Variants in BCL2L13 observed in about 807,000 individuals in gnomAD.
The protein encoded by BCL2L13 is BCL2 like 13, also known as bcl-2-like protein 13.
BCL2L13 carries 13 observed loss-of-function variants against 25.8 expected under a neutral mutation model. The observed-to-expected ratio is 0.50, with a 90% confidence interval of 0.33 to 0.80. The LOEUF (loss-of-function observed/expected upper bound fraction) is 0.80. Among genes scored for constraint, BCL2L13 ranks in the 30% least tolerant of loss-of-function variants. BCL2L13 has a pLI of 0.02. For missense variants in BCL2L13, 504 were observed against 574.9 expected (o/e 0.88, Z 1.26); for synonymous variants, 244 against 230.3 (o/e 1.06, Z -0.54).
At chr22:17,670,376 T>TA (rs1198589284) in intron 2 of BCL2L13, among the ~76,000 whole-genome samples, 1 of 150,314 alleles carries the variant, frequency 6.7e-6, no homozygotes, top group African/African-American at 2.4e-5. Flanking sequence ...AAATCAGCTT[T>TA]TTTTTTTTTT....
intron 2 of BCL2L13, among the ~76,000 whole-genome samples, chr22:17,659,335 GCCT>G (rs1177210153): frequency 6.8e-6 from 1 of 146,132 alleles, no homozygotes; most frequent in Non-Finnish European, 1.6e-5. Context: ...TTGCACTTCA[GCCT>G]GGGTGACAGA....
chr22:17,725,611 A>G (rs2061274078), intron 6 of BCL2L13, among the ~76,000 whole-genome samples: 1 of 152,178 alleles, frequency 6.6e-6, no homozygotes, highest in South Asian at 2.1e-4. Flanking sequence ...ATGACATAGC[A>G]TTATTTGTAT....
intron 1 of BCL2L13, among the ~76,000 whole-genome samples, chr22:17,640,672 C>A (rs1446952820): frequency 6.7e-6 from 1 of 148,506 alleles, no homozygotes; most frequent in Non-Finnish European, 1.5e-5. Context: ...GCCTGGGCAA[C>A]ATAAGGAGAC....
intron 6 of BCL2L13, among the ~76,000 whole-genome samples, chr22:17,722,378 G>GCGTGTGT (rs1491171137): frequency 0.018 from 2,246 of 122,084 alleles, 60 homozygotes; most frequent in African/African-American, 0.031. Flanking sequence ...AGACTACAGG[G>GCGTGTGT]GTGTGTGTGT....
At chr22:17,640,822 T>C (rs1200622533) in intron 1 of BCL2L13, among the ~76,000 whole-genome samples, 2 of 151,926 alleles carry the variant, frequency 1.3e-5, no homozygotes, top group Non-Finnish European at 2.9e-5. Context: ...CCACTGTACT[T>C]CAGTCTGGAT....
chr22:17,702,555 C>G, intron 6 of BCL2L13, 169 bp downstream of exon 6: 2 of 571,210 alleles, frequency 3.5e-6, no homozygotes, highest in Middle Eastern at 4.8e-4. Context: ...GTGATCCTGC[C>G]TCAGGTCCTG....
At chr22:17,628,895 G>A, upstream of BCL2L13, 1 of 545,010 alleles carries the variant, frequency 1.8e-6, no homozygotes, top group Non-Finnish European at 3.3e-6. Context: ...TCGCTGACTC[G>A]TGACCTGACC....
chr22:17,702,493 C>CT (rs1311285056), intron 6 of BCL2L13, 107 bp downstream of exon 6: 4 of 1,086,376 alleles, frequency 3.7e-6, no homozygotes, highest in Non-Finnish European at 5.0e-6. Flanking sequence ...AGTGCAGTGT[C>CT]TAATTGCTGG....
At chr22:17,701,626 G>A (rs2060437447) in intron 5 of BCL2L13, among the ~76,000 whole-genome samples, 1 of 152,074 alleles carries the variant, frequency 6.6e-6, no homozygotes, top group Admixed American at 6.6e-5. Flanking sequence ...GTTTTCTGCT[G>A]TTATAAATAA....
At chr22:17,678,111 C>G (rs2059627504) in intron 2 of BCL2L13, among the ~76,000 whole-genome samples, 1 of 152,092 alleles carries the variant, frequency 6.6e-6, no homozygotes, top group Non-Finnish European at 1.5e-5. Flanking sequence ...CAGCCTCGAC[C>G]TCCCAGGCTC....
At chr22:17,720,849 A>G (rs2061101531) in intron 6 of BCL2L13, among the ~76,000 whole-genome samples, 1 of 151,848 alleles carries the variant, frequency 6.6e-6, no homozygotes, top group African/African-American at 2.4e-5. Flanking sequence ...TCTCAATACT[A>G]AAAGAATAAA....
chr22:17,720,953 T>A (rs1328973673), intron 6 of BCL2L13, among the ~76,000 whole-genome samples: 1 of 151,594 alleles, frequency 6.6e-6, no homozygotes, highest in Non-Finnish European at 1.5e-5. Context: ...GATCACGAGG[T>A]CAGGAGATCG....
Position 17,687,979 on chromosome 22 carries a change from G to A in BCL2L13, c.230-1007G>A, listed in dbSNP as rs1024175374. Among the ~76,000 whole-genome samples the A allele has an allele frequency of 9.3e-5, 14 of 151,288 alleles. No individual in the cohort carries two copies. In the East Asian group the frequency reaches 2.2e-3, roughly 23 times the overall value. ...GTTACAGGCATGCACCATCACGCCC[G>A]GCTAATTTTTGTATTTTTAGTAGAG... is the stretch of plus-strand genomic sequence containing the variant. On this transcript the variant is annotated intron_variant, in intron 3 of 6. Transcript: ENST00000317582.
chr22:17,654,355 C>T (rs1002290639), intron 1 of BCL2L13, among the ~76,000 whole-genome samples: 2 of 152,004 alleles, frequency 1.3e-5, no homozygotes, highest in African/African-American at 2.4e-5. Context: ...CCTCTGCCTC[C>T]GCCTCCCAAA....
intron 3 of BCL2L13, 35 bp downstream of exon 3, chr22:17,683,356 G>C: frequency 8.0e-7 from 1 of 1,244,634 alleles, no homozygotes; most frequent in Non-Finnish European, 1.1e-6. Context: ...TTAATAAGCA[G>C]ATTGTGTTTG....
chr22:17,682,978 A>C (rs1411490372), intron 2 of BCL2L13, among the ~76,000 whole-genome samples: 1 of 152,026 alleles, frequency 6.6e-6, no homozygotes, highest in Non-Finnish European at 1.5e-5. Context: ...TAAAAATACA[A>C]AAAAATTAGC....
chr22:17,630,370 C>T (rs566113172), intron 1 of BCL2L13, among the ~76,000 whole-genome samples: 24 of 151,820 alleles, frequency 1.6e-4, no homozygotes, highest in Non-Finnish European at 2.8e-4. Context: ...ACCTCTGCCT[C>T]CCGGGATCAA....
intron 4 of BCL2L13, among the ~76,000 whole-genome samples, chr22:17,694,367 A>G (rs548845013): frequency 6.6e-6 from 1 of 152,076 alleles, no homozygotes; most frequent in South Asian, 2.1e-4. Flanking sequence ...GTATCATAAC[A>G]CTCCAAGTTA....
chr22:17,698,384 G>C (rs2060329639), intron 5 of BCL2L13, among the ~76,000 whole-genome samples: 1 of 151,778 alleles, frequency 6.6e-6, no homozygotes, highest in African/African-American at 2.4e-5. Flanking sequence ...CAAAGTGATG[G>C]GATTACAGGC....
Sources: gnomAD v4.1 joint callset for allele counts (sites outside exome capture counted in the v4.1 genomes callset) on GRCh38, gnomAD v4.1.1 for gene constraint, MANE v1.5 for transcripts, NCBI Gene and HGNC (gene_info 2026-07-23, HGNC 2026-07-21) for gene names.